The following ROR1 variants were observed in gnomAD, a reference collection of about 807,000 sequenced individuals.
ROR1 encodes inactive tyrosine-protein kinase transmembrane receptor ROR1.
ROR1 carries 19 observed loss-of-function variants against 78.8 expected under a neutral mutation model. That is an observed-to-expected ratio of 0.24 (90% CI 0.17 to 0.35). The LOEUF is 0.35. Ranked by LOEUF, ROR1 falls within the 10% of genes least tolerant of loss-of-function variation. The probability of loss-of-function intolerance (pLI) is 1.00; values close to 1 mark genes in which losing one functional copy is unlikely to be tolerated. For missense variants in ROR1, 917 were observed against 1,177.8 expected, an observed-to-expected ratio of 0.78 and a Z score of 3.24; for synonymous variants, 386 against 433.6, an observed-to-expected ratio of 0.89 and a Z score of 1.36.
intron 1 of ROR1, among the ~76,000 whole-genome samples, chr1:63,822,649 T>C (rs764117002): frequency 6.6e-5 from 10 of 152,218 alleles, no homozygotes; most frequent in Non-Finnish European, 1.3e-4. Context: ...CACTTATCAG[T>C]GTTATTGTGA....
At chr1:64,019,348 A>G (rs528919756) in intron 2 of ROR1, among the ~76,000 whole-genome samples, 100 of 152,314 alleles carry the variant, frequency 6.6e-4, no homozygotes, top group Non-Finnish European at 1.3e-3. Flanking sequence ...CTCTGTGGCT[A>G]ACTCCAGATT....
intron 1 of ROR1, among the ~76,000 whole-genome samples, chr1:63,787,464 TCCTTCCTTCCTTCCTTCCTG>T (rs1196415319): frequency 7.2e-5 from 10 of 138,432 alleles, no homozygotes; most frequent in South Asian, 4.9e-4. Flanking sequence ...CTTCCTTCCT[TCCTTCCTTCCTTCCTTCCTG>T]CCTTCCTGCC....
intron 1 of ROR1, among the ~76,000 whole-genome samples, chr1:63,891,880 T>C (rs1426605444): frequency 1.3e-5 from 2 of 152,126 alleles, no homozygotes; most frequent in African/African-American, 4.8e-5. Context: ...ACTTTCTGGT[T>C]CTCTCACTTG....
chr1:63,929,515 A>G (rs930644673), intron 1 of ROR1, among the ~76,000 whole-genome samples: 6 of 152,144 alleles, frequency 3.9e-5, no homozygotes, highest in African/African-American at 1.4e-4. Context: ...CACATATTAG[A>G]TTAGGAGCCC....
At chr1:64,016,878 A>G (rs1230286125) in intron 2 of ROR1, among the ~76,000 whole-genome samples, 4 of 151,874 alleles carry the variant, frequency 2.6e-5, no homozygotes, top group African/African-American at 9.7e-5. Context: ...CTGTGGAGAA[A>G]AATATTGTGG....
At chr1:64,011,615 G>A (rs528611599) in intron 2 of ROR1, among the ~76,000 whole-genome samples, 2 of 152,296 alleles carry the variant, frequency 1.3e-5, no homozygotes, top group Admixed American at 6.5e-5. Context: ...GGTGTCAATA[G>A]TATGAACCTG....
At chr1:63,910,674 T>C (rs1056843337) in intron 1 of ROR1, among the ~76,000 whole-genome samples, 1 of 152,194 alleles carries the variant, frequency 6.6e-6, no homozygotes, top group African/African-American at 2.4e-5. Flanking sequence ...GCCATTTGTG[T>C]TCTTCCTGAT....
intron 1 of ROR1, among the ~76,000 whole-genome samples, chr1:63,814,918 T>C (rs1208910802): frequency 6.6e-6 from 1 of 152,176 alleles, no homozygotes; most frequent in East Asian, 1.9e-4. Flanking sequence ...CTCTTAGTAC[T>C]TCTGGTGGAG....
intron 1 of ROR1, among the ~76,000 whole-genome samples, chr1:63,947,614 G>A (rs1460897548): frequency 6.6e-6 from 1 of 152,186 alleles, no homozygotes; most frequent in Non-Finnish European, 1.5e-5. Context: ...CTGTGAAGGA[G>A]GTGGGGTGGC....
In ROR1 at chr1:64,178,546, C is replaced by T. The variant is rs1242853807; in HGVS notation, c.2505C>T (p.His835=). 2 of 1,614,206 alleles carry T rather than the reference C, an allele frequency of 1.2e-6. No homozygotes were observed. The highest frequency in any genetic ancestry group is 1.1e-5 in the South Asian group (1 of 91,084). Reference sequence around the variant, plus strand: ...GATATGCAGCGTTTCCAGCTGCCCACTACCAGCCAACAGGTCCTCCCAGAG... The same window carrying T: ...GATATGCAGCGTTTCCAGCTGCCCATTACCAGCCAACAGGTCCTCCCAGAG... The part of the protein sequence containing the change: ...PPGYAAFPAA[H]YQPTGPPRVI... Residue 835 remains histidine (H), a synonymous_variant, in exon 9 of 9, where the codon CAC becomes CAT. Coordinates refer to ENST00000371079, the MANE Select transcript of ROR1 (RefSeq NM_005012.4). This position sits in a 1 kb window ranked among gnomAD's most constrained non-coding sequence, Gnocchi z 4.3.
intron 1 of ROR1, among the ~76,000 whole-genome samples, chr1:63,871,567 A>C (rs964081060): frequency 6.6e-6 from 1 of 152,200 alleles, no homozygotes; most frequent in African/African-American, 2.4e-5. Flanking sequence ...GCAGTGAGAA[A>C]ACTGCCAGAC....
chr1:64,138,998 A>G (rs998258863), intron 5 of ROR1, among the ~76,000 whole-genome samples: 1 of 151,800 alleles, frequency 6.6e-6, no homozygotes, highest in Non-Finnish European at 1.5e-5. Context: ...CCACATCTCT[A>G]CTAAAAAACA....
intron 1 of ROR1, among the ~76,000 whole-genome samples, chr1:63,905,992 A>G (rs1273431314): frequency 1.3e-5 from 2 of 152,188 alleles, no homozygotes; most frequent in African/African-American, 4.8e-5. Flanking sequence ...GCTAAATGTA[A>G]TCAAACGGTT....
chr1:64,042,142 T>C (rs1159173978), intron 2 of ROR1, among the ~76,000 whole-genome samples: 2 of 152,148 alleles, frequency 1.3e-5, no homozygotes, highest in Admixed American at 6.6e-5. Context: ...GTAGTGATAG[T>C]TACTGTAGCC....
chr1:64,115,614 A>ATATATG (rs199576485), intron 4 of ROR1, among the ~76,000 whole-genome samples: 4,220 of 151,270 alleles, frequency 0.028, 89 homozygotes, highest in Non-Finnish European at 0.041. Context: ...ATATATGTGT[A>ATATATG]TATATATATA....
rs184470135 is a variant in ROR1, at chr1:63,825,299, G to T, written c.91+50791G>T. Among the ~76,000 whole-genome samples, 232 of 152,272 alleles carry T rather than the reference G, an allele frequency of 1.5e-3. 1 individual carries two copies. Among genetic ancestry groups the T allele is most frequent in the Non-Finnish European group, 3.1e-4 (21 of 68,026 alleles). ...CTAAATGTTCATCAACTGGTGAATG[G>T]ATAAACAAAATGTGGTATATCTATA... On this transcript the variant is annotated intron_variant, in intron 1 of 8. Coordinates refer to ENST00000371079, the MANE Select transcript of ROR1 (RefSeq NM_005012.4).
intron 4 of ROR1, among the ~76,000 whole-genome samples, chr1:64,092,139 C>G (rs994609920): frequency 3.0e-5 from 4 of 131,350 alleles, no homozygotes; most frequent in African/African-American, 5.8e-5. Context: ...CTGCATGCCT[C>G]CCTACCTCCC....
At chr1:64,057,960 C>T (rs1400508856) in intron 4 of ROR1, among the ~76,000 whole-genome samples, 1 of 152,124 alleles carries the variant, frequency 6.6e-6, no homozygotes, top group Non-Finnish European at 1.5e-5. Context: ...AGTATTAAGT[C>T]ATCTAATCCA....
intron 1 of ROR1, among the ~76,000 whole-genome samples, chr1:63,866,055 G>A (rs1645213612): frequency 6.6e-6 from 1 of 152,084 alleles, no homozygotes; most frequent in Non-Finnish European, 1.5e-5. Flanking sequence ...GAGTAGAGAG[G>A]GGCAGAGAGG....
Sources: gnomAD v4.1 joint callset for allele counts (sites outside exome capture counted in the v4.1 genomes callset) on GRCh38, gnomAD v4.1.1 for gene constraint, Gnocchi (gnomAD v3.1) non-coding constraint, MANE v1.5 for transcripts, NCBI Gene and HGNC (gene_info 2026-07-23, HGNC 2026-07-21) for gene names.